ZFAND3: variants seen among roughly 807,000 people sequenced by gnomAD.
ZFAND3 encodes the protein AN1-type zinc finger protein 3.
A neutral mutation model predicts 29.6 loss-of-function variants in ZFAND3; 10 were observed. That is an observed-to-expected ratio of 0.34 (90% CI 0.21 to 0.57). The LOEUF is 0.57. Among genes scored for constraint, ZFAND3 ranks in the 20% least tolerant of loss-of-function variants. The pLI, the probability that ZFAND3 is intolerant of heterozygous loss-of-function variation, is 0.86. For synonymous variants in ZFAND3, 128 were observed against 112.6 expected, an observed-to-expected ratio of 1.14 and a Z score of -0.87; for missense variants, 230 against 304.5, an observed-to-expected ratio of 0.76 and a Z score of 1.82.
chr6:38,003,516 G>A (rs1204682735), intron 2 of ZFAND3, among the ~76,000 whole-genome samples: 1 of 128,928 alleles, frequency 7.8e-6, no homozygotes, highest in East Asian at 2.7e-4. Context: ...TTTTTTTTTT[G>A]AGACGGTGCC....
chr6:37,869,378 C>T (rs189366145), intron 1 of ZFAND3, among the ~76,000 whole-genome samples: 4 of 152,108 alleles, frequency 2.6e-5, no homozygotes, highest in East Asian at 1.9e-4. Context: ...AGGCTGGTCT[C>T]GAACTCCTGA....
At chr6:37,963,404 C>G (rs1243714386) in intron 2 of ZFAND3, among the ~76,000 whole-genome samples, 1 of 152,054 alleles carries the variant, frequency 6.6e-6, no homozygotes, top group East Asian at 1.9e-4. Context: ...ATAAAAACTT[C>G]AGATAAATAA....
chr6:38,063,435 T>C (rs1348738740), intron 3 of ZFAND3, among the ~76,000 whole-genome samples: 3 of 152,188 alleles, frequency 2.0e-5, no homozygotes, highest in Non-Finnish European at 4.4e-5. Context: ...AGGACAGTCC[T>C]CTGCAACAAA....
intron 2 of ZFAND3, among the ~76,000 whole-genome samples, chr6:38,040,242 T>A (rs1403957928): frequency 1.3e-5 from 2 of 152,160 alleles, no homozygotes; most frequent in Non-Finnish European, 2.9e-5. Context: ...TTAAAATTTT[T>A]AAAAATTCAT....
At chr6:38,002,713 A>G (rs1180924921) in intron 2 of ZFAND3, 1 of 152,166 alleles carries the variant, frequency 6.6e-6, no homozygotes, top group Non-Finnish European at 1.5e-5. Flanking sequence ...ATGATAGTCC[A>G]CAATTTGTTC....
chr6:37,861,372 A>C (rs576300433), intron 1 of ZFAND3, among the ~76,000 whole-genome samples: 1 of 152,252 alleles, frequency 6.6e-6, no homozygotes, highest in Non-Finnish European at 1.5e-5. Flanking sequence ...AGAAAAGGAC[A>C]CTGAAGAAAT....
intron 2 of ZFAND3, among the ~76,000 whole-genome samples, chr6:37,979,237 T>C (rs1354570044): frequency 6.6e-6 from 1 of 152,334 alleles, no homozygotes; most frequent in South Asian, 2.1e-4. Context: ...TGTGGTGGTG[T>C]TTTAATATCC....
At chr6:38,065,472 T>C (rs1196899395) in intron 3 of ZFAND3, among the ~76,000 whole-genome samples, 1 of 152,230 alleles carries the variant, frequency 6.6e-6, no homozygotes, top group Non-Finnish European at 1.5e-5. Flanking sequence ...AATTTCAGTT[T>C]AGATAATAAT....
In ZFAND3 at chr6:38,061,688, A is replaced by G. The variant is rs1402624774; in HGVS notation, c.208A>G (p.Asn70Asp). The change falls in exon 3 of 6, where the codon AAT (asparagine) becomes GAT (aspartate). Residue 70 changes from asparagine (N) to aspartate (D), a missense_variant. By Grantham distance (23) the Asn-to-Asp change is conservative. Around this residue, in one of 2 missense-constraint regions of ZFAND3, gnomAD observed 180 missense variants for 202.5 expected, o/e 0.89. Coordinates refer to ENST00000287218, the MANE Select transcript of ZFAND3 (RefSeq NM_021943.3). ...FSEETTSDNN[N>D]TSITTPTLSP... Reference sequence around the variant, plus strand: ...CGAAGAGACCACCAGTGACAACAACAATACCTCGATAACCACGCCAACTCT... The same window carrying G: ...CGAAGAGACCACCAGTGACAACAACGATACCTCGATAACCACGCCAACTCT... The G allele has an allele frequency of 6.2e-7, 1 of 1,614,082 alleles. No homozygotes were observed. Among genetic ancestry groups the G allele is most frequent in the East Asian group, 2.2e-5 (1 of 44,894 alleles).
intron 3 of ZFAND3, among the ~76,000 whole-genome samples, chr6:38,069,589 GGC>G (rs1764412696): frequency 6.6e-6 from 1 of 152,022 alleles, no homozygotes; most frequent in South Asian, 2.1e-4. Context: ...CTTTTATTAG[GGC>G]TGTGTTCTGA....
intron 4 of ZFAND3, among the ~76,000 whole-genome samples, chr6:38,083,131 T>C (rs981483911): frequency 2.0e-5 from 3 of 152,190 alleles, no homozygotes; most frequent in Non-Finnish European, 4.4e-5. Context: ...AAAATAATTA[T>C]ATTGTTTTTC....
At chr6:38,132,265 A>G (rs80341333) in intron 5 of ZFAND3, among the ~76,000 whole-genome samples, 3,087 of 152,330 alleles carry the variant, frequency 0.02, 46 homozygotes, top group Non-Finnish European at 0.032. Context: ...TAATCCCAAC[A>G]CTTTGAGAGC....
At chr6:37,938,105 G>A (rs771688513) in intron 2 of ZFAND3, among the ~76,000 whole-genome samples, 5 of 152,110 alleles carry the variant, frequency 3.3e-5, no homozygotes, top group Non-Finnish European at 7.4e-5. Context: ...TTTTTATTAT[G>A]AATGGGCATT....
intron 1 of ZFAND3, among the ~76,000 whole-genome samples, chr6:37,875,252 T>G (rs1378674030): frequency 6.6e-6 from 1 of 152,174 alleles, no homozygotes; most frequent in African/African-American, 2.4e-5. Context: ...TGGGAGTGGA[T>G]TGGAGTTGCA....
At chr6:37,888,609 A>G (rs57527781) in intron 1 of ZFAND3, among the ~76,000 whole-genome samples, 4,511 of 152,244 alleles carry the variant, frequency 0.03, 176 homozygotes, top group African/African-American at 0.086. Context: ...AGGAGACCGA[A>G]ATCCCATTTT....
chr6:38,153,654 T>C lies in ZFAND3; in HGVS notation c.*1265T>C, dbSNP rs1034774395. On this transcript the variant is annotated 3_prime_UTR_variant, in exon 6 of 6. Transcript: ENST00000287218. ...CACAGAGGATTTCAGCAGCTGCAAC[T>C]GCGCACGCCAGGTGGGGAAGGGTGG... 1 of 983,996 alleles carries C rather than the reference T, an allele frequency of 1.0e-6. No individual in the cohort carries two copies. Among genetic ancestry groups the C allele is most frequent in the African/African-American group, 1.8e-5 (1 of 56,898 alleles). 61.0% of individuals were successfully genotyped at this position (983,996 alleles called of 1,614,324 possible).
chr6:38,055,114 C>G (rs763108872), intron 2 of ZFAND3, among the ~76,000 whole-genome samples: 1 of 152,090 alleles, frequency 6.6e-6, no homozygotes, highest in Non-Finnish European at 1.5e-5. Flanking sequence ...TTATATGAAC[C>G]AAACTCTTGA....
At chr6:38,123,283 A>C (rs1025625292) in intron 5 of ZFAND3, among the ~76,000 whole-genome samples, 1 of 152,214 alleles carries the variant, frequency 6.6e-6, no homozygotes, top group Non-Finnish European at 1.5e-5. Flanking sequence ...AAGGAGCTGC[A>C]GTGATTAGGA....
At chr6:37,864,666 GGTGTATATGT>G (rs1204726710) in intron 1 of ZFAND3, among the ~76,000 whole-genome samples, 1 of 147,500 alleles carries the variant, frequency 6.8e-6, no homozygotes, top group Non-Finnish European at 1.5e-5. Flanking sequence ...TATGTGTGTG[GGTGTATATGT>G]GTGTATATAT....
Sources: gnomAD v4.1 joint callset for allele counts (sites outside exome capture counted in the v4.1 genomes callset) on GRCh38, gnomAD v4.1.1 for gene constraint, gnomAD v4.1.1 regional missense constraint, MANE v1.5 for transcripts, NCBI Gene and HGNC (gene_info 2026-07-23, HGNC 2026-07-21) for gene names.